Variants in AGAP1 observed in about 807,000 individuals in gnomAD.
AGAP1 encodes ArfGAP with GTPase domain, ankyrin repeat and PH domain 1.
AGAP1 carries 29 observed loss-of-function variants against 105.3 expected under a neutral mutation model. The observed-to-expected ratio is 0.28, with a 90% CI of 0.21 to 0.38. The LOEUF is 0.38. Among genes scored for constraint, AGAP1 ranks in the 10% least tolerant of loss-of-function variants. AGAP1 has a pLI of 1.00. For missense variants in AGAP1, 998 were observed against 1,165.1 expected (o/e 0.86, Z 2.09); for synonymous variants, 509 against 485.9 (o/e 1.05, Z -0.63).
chr2:235,996,808 A>G (rs1417837841), intron 13 of AGAP1, among the ~76,000 whole-genome samples: 1 of 152,238 alleles, frequency 6.6e-6, no homozygotes, highest in Non-Finnish European at 1.5e-5. Context: ...ATGTTGCCAA[A>G]TTGTGCTCAT....
chr2:235,696,090 G>A (rs1352414736), intron 1 of AGAP1, among the ~76,000 whole-genome samples: 1 of 152,188 alleles, frequency 6.6e-6, no homozygotes, highest in African/African-American at 2.4e-5. Flanking sequence ...GTGTTGCCCA[G>A]GCTGGAGTGC....
intron 13 of AGAP1, among the ~76,000 whole-genome samples, chr2:236,022,155 T>C (rs760091039): frequency 1.3e-5 from 2 of 151,612 alleles, no homozygotes; most frequent in African/African-American, 2.4e-5. Context: ...CTTGAACTGC[T>C]ATCCCAGCTC....
At chr2:235,902,500 A>G (rs1328893156) in intron 10 of AGAP1, among the ~76,000 whole-genome samples, 1 of 152,234 alleles carries the variant, frequency 6.6e-6, no homozygotes, top group Non-Finnish European at 1.5e-5. Flanking sequence ...TTTGAAATGA[A>G]GTATGCAGAT....
At chr2:235,825,441 C>A (rs1282790584) in intron 9 of AGAP1, among the ~76,000 whole-genome samples, 1 of 152,146 alleles carries the variant, frequency 6.6e-6, no homozygotes, top group South Asian at 2.1e-4. Context: ...TATTATTATT[C>A]ATTTTAGGCC....
chr2:235,794,991 T>C (rs1300302158), intron 6 of AGAP1, among the ~76,000 whole-genome samples: 1 of 152,208 alleles, frequency 6.6e-6, no homozygotes, highest in Non-Finnish European at 1.5e-5. Flanking sequence ...TGGGGTAATA[T>C]TCACATGTTA....
In AGAP1 at chr2:235,874,537, C is replaced by T. The variant is rs2049613553; in HGVS notation, c.1051-8808C>T. Among the ~76,000 whole-genome samples the T allele has an allele frequency of 6.6e-6, 1 of 152,212 alleles. No homozygotes were observed. The highest frequency in any genetic ancestry group is 1.5e-5 in the Non-Finnish European group (1 of 68,044). ...ACCTAGGCAGAGCAACCGAAGTGCA[C>T]TTTGCAGGGAGCTAAGAGGCTCGGC... On this transcript the variant is annotated intron_variant, in intron 9 of 17. Coordinates refer to ENST00000304032, the MANE Select transcript of AGAP1 (RefSeq NM_001037131.3). The surrounding 1 kb of genome is among the most constrained non-coding windows in gnomAD (Gnocchi z 4.5).
rs777871179 is a variant in AGAP1, at chr2:235,736,428, T to A, written c.311-4535T>A. ...TGCACATCACTCATGGCAGATCCATTACATGGGCCATGGGCCAAGCTGTGC... is the reference window on the plus strand; with the variant it reads ...TGCACATCACTCATGGCAGATCCATAACATGGGCCATGGGCCAAGCTGTGC... On this transcript the variant is annotated intron_variant, in intron 3 of 17. Transcript: ENST00000304032. The surrounding 1 kb of genome is among the most constrained non-coding windows in gnomAD (Gnocchi z 5.5). Among the ~76,000 whole-genome samples the A allele has an allele frequency of 2.6e-5, 4 of 152,152 alleles. No individual in the cohort carries two copies. The highest frequency in any genetic ancestry group is 5.9e-5 in the Non-Finnish European group (4 of 68,018).
intron 9 of AGAP1, among the ~76,000 whole-genome samples, chr2:235,859,128 T>C (rs892499064): frequency 6.6e-6 from 1 of 152,234 alleles, no homozygotes; most frequent in East Asian, 1.9e-4. Context: ...CTGACAGTTT[T>C]GTTGCTACTG....
chr2:235,581,242 G>C (rs776952366), intron 1 of AGAP1, among the ~76,000 whole-genome samples: 3 of 151,368 alleles, frequency 2.0e-5, no homozygotes, highest in African/African-American at 7.3e-5. Context: ...GGGAGGCAGA[G>C]GTTACAGTGA....
intron 6 of AGAP1, among the ~76,000 whole-genome samples, chr2:235,776,760 C>T (rs965405042): frequency 2.0e-5 from 3 of 152,184 alleles, no homozygotes; most frequent in Middle Eastern, 3.2e-3. Flanking sequence ...CCAGGCACTG[C>T]AAGCTCGCAC....
chr2:235,840,959 G>A (rs929474746), intron 9 of AGAP1, among the ~76,000 whole-genome samples: 2 of 151,908 alleles, frequency 1.3e-5, no homozygotes, highest in Non-Finnish European at 2.9e-5. Context: ...CCAGAGAAGC[G>A]GGAAAGAAAC....
rs2056283202 is a variant in AGAP1 at position 236,005,287 on chromosome 2, A to G, written c.1646-31274A>G. Among the ~76,000 whole-genome samples, 1 of 152,100 alleles carries G rather than the reference A, an allele frequency of 6.6e-6. No individual in the cohort carries two copies. The highest frequency in any genetic ancestry group is 2.4e-5 in the African/African-American group (1 of 41,414). ...CAGCCTCCCAAATAGCTGGGACTAC[A>G]GGAGTGTGCCACCGGCTAATTTTTT... On this transcript the variant is annotated intron_variant, in intron 13 of 17. Transcript: ENST00000304032. This position sits in a 1 kb window ranked among gnomAD's most constrained non-coding sequence, Gnocchi z 4.1.
At chr2:235,821,262 A>G (rs1324588661) in intron 9 of AGAP1, among the ~76,000 whole-genome samples, 1 of 152,262 alleles carries the variant, frequency 6.6e-6, no homozygotes, top group East Asian at 1.9e-4. Flanking sequence ...AAGTGAAAGC[A>G]TAAAACATAA....
intron 1 of AGAP1, among the ~76,000 whole-genome samples, chr2:235,686,661 ATATATTT>A (rs1559351272): frequency 3.9e-4 from 19 of 48,428 alleles, no homozygotes; most frequent in African/African-American, 2.4e-3. Flanking sequence ...ATATATATAT[ATATATTT>A]TTTTTTTTTT....
intron 6 of AGAP1, among the ~76,000 whole-genome samples, chr2:235,782,098 C>A (rs904131603): frequency 5.3e-5 from 8 of 152,166 alleles, no homozygotes; most frequent in African/African-American, 1.9e-4. Context: ...GCCTGCAGCC[C>A]AGGAGATGGA....
chr2:235,584,138 G>A (rs1475076679), intron 1 of AGAP1, among the ~76,000 whole-genome samples: 1 of 151,478 alleles, frequency 6.6e-6, no homozygotes, highest in Admixed American at 6.6e-5. Flanking sequence ...ATGACATCAG[G>A]CTGTCTTCCA....
intron 1 of AGAP1, among the ~76,000 whole-genome samples, chr2:235,607,133 C>T (rs562985589): frequency 6.6e-6 from 1 of 152,156 alleles, no homozygotes; most frequent in East Asian, 1.9e-4. Context: ...TTCCCGGATT[C>T]GTTAAGGGGC....
In AGAP1 at chr2:235,807,794, C is replaced by T. The variant is rs750772020; in HGVS notation, c.1050+463C>T. ...GGCAATTAGTTGTGATAATCATAGC[C>T]GGTGTGTCAGCTGTGCGCTCTTGTT... On this transcript the variant is annotated intron_variant, in intron 9 of 17. Coordinates refer to ENST00000304032, the MANE Select transcript of AGAP1 (RefSeq NM_001037131.3). 7.9e-5 allele frequency among the ~76,000 whole-genome samples: 12 copies of T among 152,058 alleles called. No individual in the cohort carries two copies. The East Asian group carries it at 1.2e-3, about 15-fold the overall frequency.
intron 11 of AGAP1, among the ~76,000 whole-genome samples, chr2:235,928,285 C>A (rs2052550365): frequency 6.6e-6 from 1 of 152,170 alleles, no homozygotes; most frequent in South Asian, 2.1e-4. Context: ...GCGCCTCCTC[C>A]CCAAACGCAC....
Sources: allele counts gnomAD v4.1 joint callset (sites outside exome capture counted in the v4.1 genomes callset), GRCh38; gene constraint gnomAD v4.1.1; non-coding constraint Gnocchi (gnomAD v3.1); transcripts MANE v1.5; gene names NCBI Gene and HGNC (gene_info 2026-07-23, HGNC 2026-07-21).